Variants in CDK5RAP2 observed in about 807,000 individuals in gnomAD.
The protein encoded by CDK5RAP2 is CDK5 regulatory subunit associated protein 2.
CDK5RAP2 carries 147 observed loss-of-function variants against 232.9 expected under a neutral mutation model. That is an observed-to-expected ratio of 0.63 (90% CI 0.55 to 0.72). The LOEUF is 0.72. Ranked by LOEUF, CDK5RAP2 falls within the 30% of genes least tolerant of loss-of-function variation. The pLI, the probability that CDK5RAP2 is intolerant of heterozygous loss-of-function variation, is 0.00. For synonymous variants in CDK5RAP2, 833 were observed against 833.7 expected, an observed-to-expected ratio of 1.00 and a Z score of 0.01; for missense variants, 2,195 against 2,231.5, an observed-to-expected ratio of 0.98 and a Z score of 0.33.
intron 3 of CDK5RAP2, among the ~76,000 whole-genome samples, chr9:120,553,541 G>A (rs1334697733): frequency 6.6e-6 from 1 of 152,168 alleles, no homozygotes; most frequent in Non-Finnish European, 1.5e-5. Flanking sequence ...AAGCTAGGAA[G>A]GGACTTTAAA....
intron 9 of CDK5RAP2, among the ~76,000 whole-genome samples, 184 bp downstream of exon 9, chr9:120,528,560 C>A (rs374313240): frequency 6.6e-6 from 1 of 152,192 alleles, no homozygotes; most frequent in East Asian, 1.9e-4. Flanking sequence ...GGAATGCCTA[C>A]TTCACAGAGT....
At position 120,404,074 on chromosome 9, in the gene CDK5RAP2, T is replaced by A. The variant is rs773568878; in HGVS notation, c.5003A>T (p.Asp1668Val). Reference sequence around the variant, plus strand: ...CACTGCCTGGGAGGAATCAAACAGATCAAATGAATTATCACTTTCCATGGG... The same window carrying A: ...CACTGCCTGGGAGGAATCAAACAGAACAAATGAATTATCACTTTCCATGGG... The part of the protein sequence containing the change: ...KYPMESDNSF[D>V]LFDSSQAVTP... The change falls in exon 33 of 38, where the codon GAT (aspartate) becomes GTT (valine). Residue 1668 changes from aspartate (D) to valine (V), a missense_variant. Asp to Val is a radical substitution (Grantham distance 152, BLOSUM62 -3). Coordinates refer to ENST00000349780, the MANE Select transcript of CDK5RAP2 (RefSeq NM_018249.6). The A allele has an allele frequency of 6.2e-7, 1 of 1,613,810 alleles. No homozygotes were observed. Among genetic ancestry groups the A allele is most frequent in the East Asian group, 2.2e-5 (1 of 44,884 alleles).
chr9:120,414,070 T>C (rs1341514619), intron 28 of CDK5RAP2, among the ~76,000 whole-genome samples: 1 of 152,240 alleles, frequency 6.6e-6, no homozygotes, highest in Non-Finnish European at 1.5e-5. Context: ...TTAGAGTCCC[T>C]GCCCATTGCA....
intron 1 of CDK5RAP2, among the ~76,000 whole-genome samples, chr9:120,573,324 G>A (rs2042919288): frequency 1.3e-5 from 2 of 152,148 alleles, no homozygotes; most frequent in African/African-American, 4.8e-5. Context: ...CAAGGCTGGT[G>A]CATCACTTGA....
intron 5 of CDK5RAP2, among the ~76,000 whole-genome samples, chr9:120,542,160 A>G (rs1237411642): frequency 2.6e-5 from 4 of 152,238 alleles, no homozygotes; most frequent in Non-Finnish European, 5.9e-5. Flanking sequence ...TTTTCCATCA[A>G]CAAGTATCCA....
At chr9:120,441,421 A>G (rs947216288) in intron 23 of CDK5RAP2, among the ~76,000 whole-genome samples, 16 of 152,252 alleles carry the variant, frequency 1.1e-4, no homozygotes, top group African/African-American at 3.4e-4. Context: ...CAAAATCTGC[A>G]AAAAGAAAAA....
chr9:120,477,298 CAT>C (rs2038066661), intron 15 of CDK5RAP2, 50 bp downstream of exon 15: 2 of 1,267,998 alleles, frequency 1.6e-6, no homozygotes, highest in Non-Finnish European at 2.3e-6. Flanking sequence ...TATGCGCGTG[CAT>C]GTGTGTGTGT....
intron 12 of CDK5RAP2, among the ~76,000 whole-genome samples, chr9:120,507,933 AAAAAAAAAAATATATATATATATAT>A (rs2039897282): frequency 1.3e-5 from 1 of 74,286 alleles, no homozygotes; most frequent in Admixed American, 1.7e-4. Flanking sequence ...AAAAAAAAAA[AAAAAAAAAAATATATATATATATAT>A]ATATATATAT....
At chr9:120,429,807 T>A (rs2035163828) in intron 25 of CDK5RAP2, among the ~76,000 whole-genome samples, 1 of 152,118 alleles carries the variant, frequency 6.6e-6, no homozygotes, top group South Asian at 2.1e-4. Context: ...GCCAAGTCAA[T>A]CCTAAGCCAA....
intron 7 of CDK5RAP2, among the ~76,000 whole-genome samples, chr9:120,533,797 TAAAA>T (rs147527299): frequency 3.8e-5 from 2 of 52,734 alleles, no homozygotes; most frequent in African/African-American, 1.4e-4. Context: ...AGACTCCATC[TAAAA>T]AAAAAAAAAA....
chr9:120,426,437 C>T (rs1243885988), intron 25 of CDK5RAP2, among the ~76,000 whole-genome samples: 9 of 152,126 alleles, frequency 5.9e-5, no homozygotes, highest in Non-Finnish European at 1.5e-5. Flanking sequence ...GCTTCCAGGT[C>T]ATTGGTGGAT....
chr9:120,530,179 T>G, intron 7 of CDK5RAP2, 39 bp from the exon 8 acceptor site: 4 of 1,518,068 alleles, frequency 2.6e-6, no homozygotes, highest in Non-Finnish European at 3.6e-6. Flanking sequence ...TTCTAAGCTG[T>G]TCTCTTAGCT....
chr9:120,573,478 G>A (rs1466460023), intron 1 of CDK5RAP2, among the ~76,000 whole-genome samples: 2 of 151,876 alleles, frequency 1.3e-5, no homozygotes, highest in East Asian at 3.9e-4. Context: ...GAACCCAGGA[G>A]GCAGAGGTTG....
At chr9:120,412,027 C>T (rs1484008375) in intron 28 of CDK5RAP2, among the ~76,000 whole-genome samples, 1 of 152,222 alleles carries the variant, frequency 6.6e-6, no homozygotes, top group East Asian at 1.9e-4. Context: ...CTGGCCTACT[C>T]TTTTCCGTCC....
Position 120,453,678 on chromosome 9 carries a change from T to C in CDK5RAP2, c.2571A>G (p.Leu857=), listed in dbSNP as rs562717417. 202 of 1,614,238 alleles carry C rather than the reference T, an allele frequency of 1.3e-4. No homozygotes were observed. The South Asian group carries it at 2.1e-3, about 17-fold the overall frequency. The stretch of plus-strand genomic sequence containing the variant: ...CCTTGGGCACTTCGCCTGCCTTTAC[T>C]AGCTGGGCCTCACAAGACAACTTCA... ...DELKLSCEAQ[L]VKAGEVPKVG... is the part of the protein sequence containing the mutation. Residue 857 remains leucine (L), a synonymous_variant, in exon 21 of 38, where the codon CTA becomes CTG. Coordinates refer to ENST00000349780, the MANE Select transcript of CDK5RAP2 (RefSeq NM_018249.6).
At chr9:120,568,166 TAA>T (rs1018461399) in intron 3 of CDK5RAP2, among the ~76,000 whole-genome samples, 153 bp downstream of exon 3, 1 of 152,296 alleles carries the variant, frequency 6.6e-6, no homozygotes, top group Non-Finnish European at 1.5e-5. Flanking sequence ...CATTTGTACG[TAA>T]AAGTCTCACA....
intron 14 of CDK5RAP2, among the ~76,000 whole-genome samples, chr9:120,478,231 C>T (rs1158526116): frequency 2.0e-5 from 3 of 152,136 alleles, no homozygotes; most frequent in Non-Finnish European, 4.4e-5. Context: ...AAATTGCATA[C>T]TGTAAGGAAC....
At chr9:120,455,922 A>G (rs1334466769) in intron 20 of CDK5RAP2, among the ~76,000 whole-genome samples, 1 of 152,206 alleles carries the variant, frequency 6.6e-6, no homozygotes, top group African/African-American at 2.4e-5. Flanking sequence ...AAAAGTATCC[A>G]AAGATCAAAA....
intron 12 of CDK5RAP2, among the ~76,000 whole-genome samples, chr9:120,509,504 A>G (rs1419597433): frequency 6.6e-6 from 1 of 152,248 alleles, no homozygotes; most frequent in Non-Finnish European, 1.5e-5. Context: ...GGGAGTGAAC[A>G]TAAGTTTAAT....
Sources: allele counts gnomAD v4.1 joint callset (sites outside exome capture counted in the v4.1 genomes callset), GRCh38; gene constraint gnomAD v4.1.1; transcripts MANE v1.5; gene names NCBI Gene and HGNC (gene_info 2026-07-23, HGNC 2026-07-21).